Variants in DTNBP1 observed in about 807,000 individuals in gnomAD.
DTNBP1 encodes the protein dystrobrevin binding protein 1.
DTNBP1 carries 35 observed loss-of-function variants against 42.8 expected under a neutral mutation model. That is an observed-to-expected ratio of 0.82 (90% CI 0.63 to 1.09). The LOEUF (loss-of-function observed/expected upper bound fraction) is 1.09. DTNBP1 is among the 50% of genes least tolerant of loss of function. The pLI is 0.00. For missense variants in DTNBP1, 457 were observed against 424.2 expected (o/e 1.08, Z -0.68); for synonymous variants, 171 against 162.2 (o/e 1.05, Z -0.41).
chr6:15,643,409 A>G (rs540877576), intron 3 of DTNBP1, among the ~76,000 whole-genome samples: 2 of 152,342 alleles, frequency 1.3e-5, no homozygotes, highest in South Asian at 4.1e-4. Flanking sequence ...CAATCTTGCT[A>G]GAGAAGCTGA....
chr6:15,641,913 A>G (rs902568582), intron 3 of DTNBP1, among the ~76,000 whole-genome samples: 1 of 152,198 alleles, frequency 6.6e-6, no homozygotes, highest in African/African-American at 2.4e-5. Context: ...CAACTGCTAC[A>G]AGAGGAAGTA....
intron 4 of DTNBP1, 51 bp downstream of exon 4, chr6:15,637,693 G>T: frequency 6.4e-7 from 1 of 1,552,824 alleles, no homozygotes; most frequent in Non-Finnish European, 8.9e-7. Flanking sequence ...ATACCATTTA[G>T]CACTGAAAAA....
chr6:15,566,212 G>A lies in DTNBP1; in HGVS notation c.511+26847C>T, dbSNP rs940093743. Among the ~76,000 whole-genome samples, 90 of 150,924 alleles carry A rather than the reference G, an allele frequency of 6.0e-4. 1 individual carries two copies. The highest frequency in any genetic ancestry group is 3.4e-3 in the Middle Eastern group (1 of 290). ...CGCCTGTAGTCCCAGCTACTTGGGA[G>A]GCTGAGGCAGGAGAATGGCGTGAAC... On this transcript the variant is annotated intron_variant, in intron 7 of 9. Coordinates refer to ENST00000344537, the MANE Select transcript of DTNBP1 (RefSeq NM_032122.5).
chr6:15,566,121 C>G (rs573414185), intron 7 of DTNBP1, among the ~76,000 whole-genome samples: 1 of 151,722 alleles, frequency 6.6e-6, no homozygotes, highest in East Asian at 1.9e-4. Context: ...GAGACCATCC[C>G]GGCTAAAACG....
At chr6:15,596,841 A>G (rs1014294870) in intron 6 of DTNBP1, among the ~76,000 whole-genome samples, 6 of 152,182 alleles carry the variant, frequency 3.9e-5, no homozygotes, top group African/African-American at 1.4e-4. Context: ...GTTCTTCTCC[A>G]GTCGACGTCA....
intron 3 of DTNBP1, 29 bp from the exon 4 acceptor site, chr6:15,637,833 T>C (rs1760121864): frequency 1.3e-6 from 2 of 1,599,604 alleles, no homozygotes; most frequent in Non-Finnish European, 1.7e-6. Flanking sequence ...TAATTTGAAA[T>C]GCAAACCACA....
chr6:15,563,764 A>C (rs1209227119), intron 7 of DTNBP1, among the ~76,000 whole-genome samples: 1 of 152,204 alleles, frequency 6.6e-6, no homozygotes, highest in Non-Finnish European at 1.5e-5. Flanking sequence ...AACCTTTAAG[A>C]ATCCTAGCCC....
In DTNBP1 at chr6:15,580,217, C is replaced by T. The variant is rs576869432; in HGVS notation, c.511+12842G>A. On this transcript the variant is annotated intron_variant, in intron 7 of 9. Coordinates refer to ENST00000344537, the MANE Select transcript of DTNBP1 (RefSeq NM_032122.5). The stretch of plus-strand genomic sequence containing the variant: ...TAAAAAGCCGATAAATCACATTTTA[C>T]CTCCCGTCACACCTCAAACAATAAT... Among the ~76,000 whole-genome samples, 7 of 152,286 alleles carry T rather than the reference C, an allele frequency of 4.6e-5. No individual in the cohort carries two copies. In the South Asian group the frequency reaches 1.5e-3, roughly 32 times the overall value.
intron 7 of DTNBP1, among the ~76,000 whole-genome samples, chr6:15,584,982 T>C (rs1181855060): frequency 3.4e-5 from 5 of 146,636 alleles, no homozygotes; most frequent in Non-Finnish European, 6.0e-5. Context: ...TATATATAAA[T>C]ACCACACAGA....
chr6:15,643,658 C>T (rs903059216), intron 3 of DTNBP1, among the ~76,000 whole-genome samples: 4 of 152,210 alleles, frequency 2.6e-5, no homozygotes, highest in African/African-American at 9.6e-5. Context: ...AAAAAAATTG[C>T]TGGCCAAGAA....
At chr6:15,571,444 A>G (rs548046929) in intron 7 of DTNBP1, among the ~76,000 whole-genome samples, 1 of 152,318 alleles carries the variant, frequency 6.6e-6, no homozygotes, top group Admixed American at 6.5e-5. Flanking sequence ...ATCCATGAAG[A>G]ATTTTCCCTC....
At chr6:15,627,089 G>C (rs1759389507) in intron 5 of DTNBP1, among the ~76,000 whole-genome samples, 1 of 152,152 alleles carries the variant, frequency 6.6e-6, no homozygotes, top group African/African-American at 2.4e-5. Context: ...AAGACAACCT[G>C]AGTCACTTTA....
At chr6:15,657,145 T>C (rs1463995166) in intron 1 of DTNBP1, among the ~76,000 whole-genome samples, 2 of 152,176 alleles carry the variant, frequency 1.3e-5, no homozygotes, top group Non-Finnish European at 2.9e-5. Flanking sequence ...GAAAGATGAA[T>C]TTAGACTATC....
At chr6:15,602,269 C>T (rs1776760086) in intron 6 of DTNBP1, among the ~76,000 whole-genome samples, 1 of 152,152 alleles carries the variant, frequency 6.6e-6, no homozygotes, top group Admixed American at 6.6e-5. Flanking sequence ...TGCTAGAGCA[C>T]TGCCCAGAGA....
At chr6:15,560,198 C>T (rs565099731) in intron 7 of DTNBP1, among the ~76,000 whole-genome samples, 2 of 151,974 alleles carry the variant, frequency 1.3e-5, no homozygotes, top group South Asian at 2.1e-4. Flanking sequence ...CCCAGCTACT[C>T]GGGAGGCTAA....
intron 7 of DTNBP1, among the ~76,000 whole-genome samples, chr6:15,536,475 G>A (rs909885920): frequency 6.6e-6 from 1 of 152,266 alleles, no homozygotes; most frequent in African/African-American, 2.4e-5. Flanking sequence ...TTGGGCTATT[G>A]CTTCAGAGGG....
rs1316474120 is a variant in DTNBP1, at chr6:15,524,641, T to C, written c.696A>G (p.Glu232=). ...REPIGSMSSM[E]VNVDMLEQMD... is the part of the protein sequence containing the mutation. Reference sequence around the variant, plus strand: ...TCTGCTCCAGCATGTCCACGTTCACTTCCATGGATGACATGCTGCCTATGG... The same window carrying C: ...TCTGCTCCAGCATGTCCACGTTCACCTCCATGGATGACATGCTGCCTATGG... The change falls in exon 9 of 10, where the codon GAA becomes GAG. Residue 232 remains glutamate (E), a synonymous_variant. Transcript: ENST00000344537. 4 of 1,613,808 alleles carry C rather than the reference T, an allele frequency of 2.5e-6. No homozygotes were observed. Among genetic ancestry groups the C allele is most frequent in the South Asian group, 2.2e-5 (2 of 91,090 alleles).
Position 15,637,859 on chromosome 6 carries a change from C to T in DTNBP1, c.162-55G>A, listed in dbSNP as rs1760122938. On this transcript the variant is annotated intron_variant, in intron 3 of 9. Coordinates refer to ENST00000344537, the MANE Select transcript of DTNBP1 (RefSeq NM_032122.5). Reference sequence around the variant, plus strand: ...GCAAACCACACATTAAAAGGAAATACTATCTAAAGATGAATGTGGAATATC... The same window carrying T: ...GCAAACCACACATTAAAAGGAAATATTATCTAAAGATGAATGTGGAATATC... 2.6e-6 allele frequency: 4 copies of T among 1,528,098 alleles called. No individual in the cohort carries two copies. The South Asian group carries it at 3.3e-5, about 13-fold the overall frequency. The allele number at this position is 1,528,098 out of a possible 1,614,324, so 94.7% of individuals were successfully genotyped here.
chr6:15,524,494 TGG>T, intron 9 of DTNBP1, 30 bp downstream of exon 9: 1 of 1,610,356 alleles, frequency 6.2e-7, no homozygotes, highest in Non-Finnish European at 8.5e-7. Flanking sequence ...GATACTGCCC[TGG>T]TTCAGCTAAT....
Sources: gnomAD v4.1 joint callset for allele counts (sites outside exome capture counted in the v4.1 genomes callset) on GRCh38, gnomAD v4.1.1 for gene constraint, MANE v1.5 for transcripts, NCBI Gene and HGNC (gene_info 2026-07-23, HGNC 2026-07-21) for gene names.